The following VCF1 variants were observed in gnomAD, a reference collection of about 807,000 sequenced individuals.
VCF1 encodes the protein VCP nuclear cofactor family member 1.
At chr17:73,231,832 T>C in the VCF1 span, among the ~76,000 whole-genome samples, 5 of 150,422 alleles carry the variant, frequency 3.3e-5, no homozygotes, top group South Asian at 8.4e-4. Flanking sequence ...TCGTTCCAAA[T>C]AGGAAAAGAC....
chr17:73,229,710 A>G, the VCF1 span: 1 of 347,208 alleles, frequency 2.9e-6, no homozygotes, highest in African/African-American at 2.2e-5. Context: ...TACTAAAAAT[A>G]CAAAAGAGTT....
the VCF1 span, among the ~76,000 whole-genome samples, chr17:73,210,570 A>T: frequency 6.6e-6 from 1 of 151,634 alleles, no homozygotes; most frequent in East Asian, 1.9e-4. Context: ...GGAGGGTGAC[A>T]CGAAGGACCC....
the VCF1 span, among the ~76,000 whole-genome samples, chr17:73,217,165 A>G: frequency 6.6e-6 from 1 of 152,086 alleles, no homozygotes; most frequent in Non-Finnish European, 1.5e-5. Context: ...CCTCATCTCT[A>G]CTAAAAATAC....
chr17:73,215,225 T>A, the VCF1 span, among the ~76,000 whole-genome samples: 1 of 152,250 alleles, frequency 6.6e-6, no homozygotes, highest in Non-Finnish European at 1.5e-5. Context: ...ACCGCAGACA[T>A]CTGGGTAAGA....
chr17:73,207,439 TAA>T, the VCF1 span: 1 of 726,152 alleles, frequency 1.4e-6, no homozygotes. Context: ...CTAGAAGGTG[TAA>T]AAGATGCCCG....
the VCF1 span, among the ~76,000 whole-genome samples, chr17:73,230,316 CCAAT>C: frequency 2.6e-5 from 4 of 152,006 alleles, no homozygotes; most frequent in Non-Finnish European, 4.4e-5. Flanking sequence ...AATCAATCAA[CCAAT>C]CAATCAATCA....
chr17:73,221,389 A>G, the VCF1 span, among the ~76,000 whole-genome samples: 1 of 151,688 alleles, frequency 6.6e-6, no homozygotes, highest in Non-Finnish European at 1.5e-5. Context: ...ACATGTAAAT[A>G]ATAGAATTCA....
At chr17:73,227,073 A>T in the VCF1 span, 1 of 976,938 alleles carries the variant, frequency 1.0e-6, no homozygotes, top group Non-Finnish European at 1.5e-6. Flanking sequence ...GTCATTTTAA[A>T]TTACTGTTTA....
the VCF1 span, among the ~76,000 whole-genome samples, chr17:73,211,972 AGTGAG>A: frequency 6.6e-6 from 1 of 152,244 alleles, no homozygotes; most frequent in African/African-American, 2.4e-5. Flanking sequence ...TCGAGGTGGC[AGTGAG>A]CCAAGATTGC....
At chr17:73,210,875 A>G in the VCF1 span, among the ~76,000 whole-genome samples, 1 of 151,840 alleles carries the variant, frequency 6.6e-6, no homozygotes, top group Non-Finnish European at 1.5e-5. Context: ...GCCAGGCAGG[A>G]AAGATTACAG....
the VCF1 span, among the ~76,000 whole-genome samples, chr17:73,215,226 C>G: frequency 3.3e-5 from 5 of 152,242 alleles, no homozygotes; most frequent in Non-Finnish European, 5.9e-5. Flanking sequence ...CCGCAGACAT[C>G]TGGGTAAGAC....
chr17:73,208,376 G>A, the VCF1 span: 1 of 1,614,112 alleles, frequency 6.2e-7, no homozygotes, highest in East Asian at 2.2e-5. Flanking sequence ...TGTTCAGACA[G>A]CTTGTCAGTG....
the VCF1 span, chr17:73,209,912 T>TAA: frequency 7.6e-7 from 1 of 1,308,082 alleles, no homozygotes; most frequent in East Asian, 2.5e-5. Context: ...TTGGAATTGA[T>TAA]AAAGTACGCT....
chr17:73,212,254 A>G, the VCF1 span, among the ~76,000 whole-genome samples: 1 of 151,496 alleles, frequency 6.6e-6, no homozygotes, highest in East Asian at 1.9e-4. Context: ...CAAAAATTAC[A>G]TCCAATAATA....
the VCF1 span, among the ~76,000 whole-genome samples, chr17:73,223,425 C>G: frequency 6.6e-6 from 1 of 152,162 alleles, no homozygotes; most frequent in Non-Finnish European, 1.5e-5. Flanking sequence ...TCCGGCAAAT[C>G]AGTTCACATT....
chr17:73,230,116 G>C, the VCF1 span, among the ~76,000 whole-genome samples: 3 of 152,058 alleles, frequency 2.0e-5, no homozygotes, highest in African/African-American at 7.2e-5. Context: ...GGGCAATATA[G>C]TGAAACCCCA....
the VCF1 span, among the ~76,000 whole-genome samples, chr17:73,220,201 A>G: frequency 7.6e-4 from 116 of 152,274 alleles, no homozygotes; most frequent in Admixed American, 3.4e-3. Flanking sequence ...TCCTATTGTC[A>G]TATGAATTCA....
chr17:73,226,704 C>T, the VCF1 span, among the ~76,000 whole-genome samples: 1 of 152,174 alleles, frequency 6.6e-6, no homozygotes, highest in Non-Finnish European at 1.5e-5. Context: ...CTTTTCACAA[C>T]AAGATAATGA....
chr17:73,227,308 C>T, the VCF1 span: 1 of 1,476,878 alleles, frequency 6.8e-7, no homozygotes, highest in Non-Finnish European at 9.1e-7. Context: ...ACCCAAACAA[C>T]CGATGTTTTG....
Sources: allele counts gnomAD v4.1 joint callset (sites outside exome capture counted in the v4.1 genomes callset), GRCh38; gene constraint gnomAD v4.1.1; transcripts MANE v1.5; gene names NCBI Gene and HGNC (gene_info 2026-07-23, HGNC 2026-07-21).